Variants in SLC25A48 observed in about 807,000 individuals in gnomAD.
SLC25A48 encodes the protein CTC-321K16.1.
In SLC25A48, 29 loss-of-function variants were observed where a neutral mutation model predicts 32.2. That is an observed-to-expected ratio of 0.90 (90% CI 0.67 to 1.23). The LOEUF (loss-of-function observed/expected upper bound fraction) is 1.23. Ranked by LOEUF, SLC25A48 falls within the 50% of genes most tolerant of loss-of-function variation. The pLI is 0.00. For missense variants in SLC25A48, 399 were observed against 422.7 expected (o/e 0.94, Z 0.49); for synonymous variants, 164 against 172.3 (o/e 0.95, Z 0.38).
At chr5:135,635,770 G>A (rs1315850478) in intron 3 of SLC25A48, among the ~76,000 whole-genome samples, 2 of 152,186 alleles carry the variant, frequency 1.3e-5, no homozygotes, top group Admixed American at 6.5e-5. Context: ...TAGCTCTCAC[G>A]AGAAAGTATG....
At chr5:135,644,184 G>T (rs1752905487) in intron 3 of SLC25A48, among the ~76,000 whole-genome samples, 1 of 151,440 alleles carries the variant, frequency 6.6e-6, no homozygotes, top group South Asian at 2.1e-4. Flanking sequence ...GTTGCGGATG[G>T]GGAGAAAAAA....
In SLC25A48 at chr5:135,879,967, G is replaced by C; in HGVS notation, c.814-1G>C. The C allele has an allele frequency of 6.5e-7, 1 of 1,536,360 alleles. No individual in the cohort carries two copies. Among genetic ancestry groups the C allele is most frequent in the South Asian group, 1.2e-5 (1 of 84,052 alleles). ...TGCAATAACCTGGCCCCTGTGCAAA[G>C]GTGTTTTTCAGAGGCATCACTGTGA... is the stretch of plus-strand genomic sequence containing the variant. On this transcript the variant is annotated splice_acceptor_variant, in intron 6 of 7. Transcript: ENST00000681962. LOFTEE classifies it high-confidence loss of function.
At chr5:135,734,632 A>G (rs1755308276) in intron 3 of SLC25A48, among the ~76,000 whole-genome samples, 1 of 151,706 alleles carries the variant, frequency 6.6e-6, no homozygotes, top group Non-Finnish European at 1.5e-5. Context: ...TCGAGACCAC[A>G]GTGAAACCCC....
intron 3 of SLC25A48, among the ~76,000 whole-genome samples, chr5:135,809,581 A>G (rs530238385): frequency 6.6e-6 from 1 of 152,268 alleles, no homozygotes; most frequent in South Asian, 2.1e-4. Context: ...CACAATTAAG[A>G]TCTAGAACAT....
At chr5:135,840,144 A>G (rs1331795343) in intron 1 of SLC25A48, among the ~76,000 whole-genome samples, 3 of 152,234 alleles carry the variant, frequency 2.0e-5, no homozygotes, top group Admixed American at 1.3e-4. Flanking sequence ...GAAAAGGTAC[A>G]GTGTATTCAT....
Position 135,850,504 on chromosome 5 carries a change from C to G in SLC25A48, c.162+8C>G, listed in dbSNP as rs201074515. The G allele has an allele frequency of 6.2e-7, 1 of 1,613,880 alleles. No homozygotes were observed. The highest frequency in any genetic ancestry group is 8.5e-7 in the Non-Finnish European group (1 of 1,179,950). On this transcript the variant is annotated splice_region_variant and intron_variant, in intron 3 of 7. Transcript: ENST00000681962. ...GTGTACAGGAGGGAGAGTGTAAGTG[C>G]CCCTTGGGCGGGTGGAGTGATGCCT...
At chr5:135,704,458 A>G (rs1754464265) in intron 3 of SLC25A48, among the ~76,000 whole-genome samples, 1 of 152,210 alleles carries the variant, frequency 6.6e-6, no homozygotes, top group Non-Finnish European at 1.5e-5. Flanking sequence ...TGAGGCCCAG[A>G]GATGTGTGGT....
chr5:135,719,844 C>T (rs1010844914), intron 3 of SLC25A48, among the ~76,000 whole-genome samples: 2 of 152,200 alleles, frequency 1.3e-5, no homozygotes, highest in Non-Finnish European at 2.9e-5. Context: ...ACCTGCCCCT[C>T]GCTGCCATCT....
Position 135,632,033 on chromosome 5 carries a change from C to T in SLC25A48, c.-709+2657C>T, listed in dbSNP as rs562842161. ...CCCCTCTACCTATGTGGTTCTTGGC[C>T]TCCTGAGGATGAGGATGAAAGAGGT... On this transcript the variant is annotated intron_variant, in intron 2 of 10. Coordinates refer to the SLC25A48 transcript ENST00000646290. Among the ~76,000 whole-genome samples the T allele has an allele frequency of 3.9e-5, 6 of 152,298 alleles. No homozygotes were observed. The South Asian group carries it at 1.2e-3, about 32-fold the overall frequency.
chr5:135,789,079 AAG>A (rs754435899), intron 3 of SLC25A48, among the ~76,000 whole-genome samples: 4 of 148,274 alleles, frequency 2.7e-5, no homozygotes, highest in African/African-American at 5.1e-5. Context: ...AATATCCGAG[AAG>A]AGAGAGAGAG....
intron 3 of SLC25A48, among the ~76,000 whole-genome samples, chr5:135,777,734 C>T (rs1020735627): frequency 1.3e-5 from 2 of 151,034 alleles, no homozygotes; most frequent in Non-Finnish European, 2.9e-5. Flanking sequence ...TTATATTACT[C>T]CCAATACCGA....
intron 2 of SLC25A48, among the ~76,000 whole-genome samples, chr5:135,842,882 G>A (rs990756212): frequency 1.3e-5 from 2 of 152,198 alleles, no homozygotes; most frequent in Admixed American, 6.5e-5. Context: ...CCCTGCACCC[G>A]TCCCCAGTGG....
intron 1 of SLC25A48, among the ~76,000 whole-genome samples, chr5:135,612,339 G>A (rs985131730): frequency 6.7e-6 from 1 of 148,276 alleles, no homozygotes; most frequent in Non-Finnish European, 1.5e-5. Flanking sequence ...TCAAATCAGT[G>A]TTGTTGGGGT....
intron 3 of SLC25A48, among the ~76,000 whole-genome samples, chr5:135,683,443 C>T (rs568107477): frequency 9.2e-5 from 14 of 152,344 alleles, no homozygotes; most frequent in Admixed American, 2.6e-4. Flanking sequence ...CTTGAGAAAT[C>T]ACCCTGATCC....
At chr5:135,623,138 A>G (rs1309772250) in intron 1 of SLC25A48, among the ~76,000 whole-genome samples, 1 of 152,372 alleles carries the variant, frequency 6.6e-6, no homozygotes, top group African/African-American at 2.4e-5. Flanking sequence ...GGGATGGTGC[A>G]TGGACATCCC....
intron 4 of SLC25A48, among the ~76,000 whole-genome samples, chr5:135,817,353 C>G (rs769154291): frequency 6.6e-6 from 1 of 152,110 alleles, no homozygotes; most frequent in Non-Finnish European, 1.5e-5. Flanking sequence ...GAGTAGAGAT[C>G]AATGGAACAG....
At chr5:135,866,211 C>T (rs1040269145) in intron 4 of SLC25A48, among the ~76,000 whole-genome samples, 3 of 152,196 alleles carry the variant, frequency 2.0e-5, no homozygotes, top group African/African-American at 7.2e-5. Flanking sequence ...TACCGACATA[C>T]CCACACAGCA....
In SLC25A48 at chr5:135,834,706, G is replaced by A; in HGVS notation, c.-142G>A. The stretch of plus-strand genomic sequence containing the variant: ...GGCAGCCCGCGCAGCCGGTGACTGG[G>A]GGACTGGGTTTGGAGTAGGACCTGC... On this transcript the variant is annotated 5_prime_UTR_variant, in exon 1 of 8. Transcript: ENST00000681962. 2 of 897,868 alleles carry A rather than the reference G, an allele frequency of 2.2e-6. No individual in the cohort carries two copies. Among genetic ancestry groups the A allele is most frequent in the South Asian group, 3.8e-5 (2 of 52,696 alleles). The allele number at this position is 897,868 out of a possible 1,614,324, so 55.6% of individuals were successfully genotyped here. A position where few individuals can be genotyped will look rare whatever the true frequency, so the allele number is the denominator to read the frequency against.
At chr5:135,645,080 C>G (rs1048892942) in intron 3 of SLC25A48, among the ~76,000 whole-genome samples, 1 of 152,184 alleles carries the variant, frequency 6.6e-6, no homozygotes, top group Non-Finnish European at 1.5e-5. Context: ...CTCAGGTGCA[C>G]GCCAGTTTGG....
Sources: gnomAD v4.1 joint callset for allele counts (sites outside exome capture counted in the v4.1 genomes callset) on GRCh38, gnomAD v4.1.1 for gene constraint, MANE v1.5 for transcripts, NCBI Gene and HGNC (gene_info 2026-07-23, HGNC 2026-07-21) for gene names.